TPRA1: variants seen among roughly 807,000 people sequenced by gnomAD.
TPRA1 encodes the protein transmembrane protein adipocyte-associated 1.
TPRA1 carries 28 observed loss-of-function variants against 40.1 expected under a neutral mutation model. That is an observed-to-expected ratio of 0.70 (90% CI 0.52 to 0.96). TPRA1 has a LOEUF of 0.96. Ranked by LOEUF, TPRA1 falls within the 40% of genes least tolerant of loss-of-function variation. The pLI is 0.00. For synonymous variants in TPRA1, 219 were observed against 209.7 expected, an observed-to-expected ratio of 1.04 and a Z score of -0.38; for missense variants, 441 against 482.6, an observed-to-expected ratio of 0.91 and a Z score of 0.81.
At chr3:127,586,170 G>A (rs1219381731) in intron 1 of TPRA1, among the ~76,000 whole-genome samples, 1 of 152,176 alleles carries the variant, frequency 6.6e-6, no homozygotes, top group Non-Finnish European at 1.5e-5. Context: ...ACCCCTGGAG[G>A]ACTGGGCCAC....
chr3:127,578,655 A>G (rs959866274), intron 3 of TPRA1, among the ~76,000 whole-genome samples: 4 of 152,242 alleles, frequency 2.6e-5, no homozygotes, highest in African/African-American at 7.2e-5. Context: ...AAGCAAAGAA[A>G]GCAGGCCTCA....
chr3:127,590,254 C>G (rs2074129117), intron 1 of TPRA1, among the ~76,000 whole-genome samples, 156 bp downstream of exon 1: 1 of 152,184 alleles, frequency 6.6e-6, no homozygotes, highest in Non-Finnish European at 1.5e-5. Flanking sequence ...AGGGCCTTCC[C>G]TCCCAAACGC....
intron 1 of TPRA1, chr3:127,588,144 G>A (rs2074057365): frequency 6.6e-6 from 1 of 152,324 alleles, no homozygotes; most frequent in Non-Finnish European, 1.5e-5. Context: ...CCCCTCTCCA[G>A]GCCTCGGCTT....
In TPRA1 at chr3:127,572,113, C is replaced by T. The variant is rs1206904077; in HGVS notation, c.*1408G>A. ...GCAGCCCAGGAGTCCAGCTCACTGG[C>T]CGTACTGTTGGCCCTGTCCGCTATC... On this transcript the variant is annotated 3_prime_UTR_variant, in exon 11 of 11. Transcript: ENST00000355552. 3.9e-5 allele frequency among the ~76,000 whole-genome samples: 6 copies of T among 152,220 alleles called. No individual in the cohort carries two copies. The highest frequency in any genetic ancestry group is 2.6e-4 in the Admixed American group (4 of 15,288).
chr3:127,595,901 C>T (rs1223512443), intron 1 of TPRA1, among the ~76,000 whole-genome samples: 1 of 152,068 alleles, frequency 6.6e-6, no homozygotes, highest in Non-Finnish European at 1.5e-5. Flanking sequence ...TGTGAAGAAG[C>T]TTGGAAGGGG....
Position 127,571,362 on chromosome 3 carries a change from T to C in TPRA1, c.*2159A>G, listed in dbSNP as rs541224300. The C allele has an allele frequency of 6.6e-6, 1 of 152,350 alleles. No homozygotes were observed. Among genetic ancestry groups the C allele is most frequent in the African/African-American group, 2.4e-5 (1 of 41,580 alleles). The allele number at this position is 152,350 out of a possible 1,614,324, so 9.4% of individuals were successfully genotyped here. On this transcript the variant is annotated 3_prime_UTR_variant, in exon 11 of 11. Coordinates refer to ENST00000355552, the MANE Select transcript of TPRA1 (RefSeq NM_001136053.4). The stretch of plus-strand genomic sequence containing the variant: ...ACATATATTGGAGGACAACTATTGA[T>C]CTCTGCAGAAGACTAATAAGAGTAA...
In TPRA1 at chr3:127,573,475, C is replaced by T. The variant is rs1166309243; in HGVS notation, c.*46G>A. On this transcript the variant is annotated 3_prime_UTR_variant, in exon 11 of 11. Transcript: ENST00000355552. ...TCCTCCCCTGGGGACTCTGGGCCTG[C>T]TGGCCTCCTCTCTGGCCTGTCCTCC... 3 of 1,569,936 alleles carry T rather than the reference C, an allele frequency of 1.9e-6. No individual in the cohort carries two copies. The highest frequency in any genetic ancestry group is 1.7e-6 in the Non-Finnish European group (2 of 1,157,210).
At chr3:127,575,594 TC>T in intron 8 of TPRA1, 89 bp from the exon 9 acceptor site, 1 of 1,464,378 alleles carries the variant, frequency 6.8e-7, no homozygotes, top group Non-Finnish European at 9.2e-7. Flanking sequence ...GCCTGGTGTG[TC>T]CCCCGGGGCC....
intron 1 of TPRA1, chr3:127,580,483 G>A (rs961291672): frequency 4.6e-5 from 13 of 280,006 alleles, no homozygotes; most frequent in African/African-American, 2.4e-4. Context: ...TGAGAGCAGC[G>A]TGGGTAAGAG....
chr3:127,573,762 T>C lies in TPRA1; in HGVS notation c.881A>G (p.Tyr294Cys). 6 of 1,584,080 alleles carry C rather than the reference T, an allele frequency of 3.8e-6. No homozygotes were observed. The highest frequency in any genetic ancestry group is 1.1e-5 in the South Asian group (1 of 89,382). ...CTCTGTCTCGTCCACTTGGCATTTG[T>C]AGGAGAAGAGGATCTTGGGCTCCGA... ...FGSEPKILFS[Y>C]KCQVDETEEP... Residue 294 changes from tyrosine to cysteine, a missense_variant, in exon 11 of 11, where the codon TAC (tyrosine) becomes TGC (cysteine). Coordinates refer to ENST00000355552, the MANE Select transcript of TPRA1 (RefSeq NM_001136053.4).
intron 1 of TPRA1, among the ~76,000 whole-genome samples, chr3:127,581,421 C>T (rs914156124): frequency 6.6e-6 from 1 of 152,180 alleles, no homozygotes; most frequent in African/African-American, 2.4e-5. Context: ...CAAGGGCCGA[C>T]AGGCGTATGA....
Position 127,576,545 on chromosome 3 carries a change from A to T in TPRA1, c.498+72T>A. The T allele has an allele frequency of 7.0e-7, 1 of 1,435,780 alleles. No homozygotes were observed. Among genetic ancestry groups the T allele is most frequent in the South Asian group, 1.3e-5 (1 of 78,748 alleles). 88.9% of individuals were successfully genotyped at this position (1,435,780 alleles called of 1,614,324 possible). A position where few individuals can be genotyped will look rare whatever the true frequency, so the allele number is the denominator to read the frequency against. On this transcript the variant is annotated intron_variant, in intron 6 of 10. Transcript: ENST00000355552. The surrounding 1 kb of genome is among the most constrained non-coding windows in gnomAD (Gnocchi z 4.6). ...GAAGGTGATAAAGACTGGAAACCTG[A>T]CCCAGACCCAGAAGCAGTGGGTGCC...
At position 127,576,141 on chromosome 3, in the gene TPRA1, T is replaced by C. The variant is rs2073615708; in HGVS notation, c.499-91A>G. 1 of 997,742 alleles carries C rather than the reference T, an allele frequency of 1.0e-6. No homozygotes were observed. The highest frequency in any genetic ancestry group is 1.5e-6 in the Non-Finnish European group (1 of 647,220). 61.8% of individuals were successfully genotyped at this position (997,742 alleles called of 1,614,324 possible). ...CCCTGATGCAAAGCCCCCTAAGCTC[T>C]CCACCACACCAAGTTCAGCCTCTTG... On this transcript the variant is annotated intron_variant, in intron 6 of 10. Transcript: ENST00000355552. This position sits in a 1 kb window ranked among gnomAD's most constrained non-coding sequence, Gnocchi z 4.6.
upstream of TPRA1, chr3:127,590,801 G>A (rs2074151482): frequency 2.7e-5 from 4 of 150,520 alleles, no homozygotes; most frequent in Admixed American, 1.3e-4. Context: ...GCAGCCTATA[G>A]GAATAAGTCA....
chr3:127,573,693 C>G lies in TPRA1; in HGVS notation c.950G>C (p.Arg317Pro). The change falls in exon 11 of 11, where the codon CGG (arginine) becomes CCG (proline). Residue 317 changes from arginine to proline, a missense_variant. Coordinates refer to ENST00000355552, the MANE Select transcript of TPRA1 (RefSeq NM_001136053.4). Reference protein sequence around the residue: ...HLPQPYAVARREGLEAAGAAG... With the variant: ...HLPQPYAVARPEGLEAAGAAG... ...AGCCCCTGCAGCCTCCAGGCCCTCC[C>G]GCCGGGCCACAGCGTAGGGCTGGGG... 6.2e-7 allele frequency: 1 copy of G among 1,613,526 alleles called. No homozygotes were observed. The highest frequency in any genetic ancestry group is 8.5e-7 in the Non-Finnish European group (1 of 1,179,814).
chr3:127,580,162 C>G lies in TPRA1; in HGVS notation c.-16G>C. ...GGGTGTCCATCCCGCCAGCAGCCAG[C>G]CCTGGGGGAGTGAGAGCCGCCCAGT... On this transcript the variant is annotated splice_region_variant and 5_prime_UTR_variant, in exon 2 of 11. Transcript: ENST00000355552. 6.2e-7 allele frequency: 1 copy of G among 1,609,890 alleles called. No individual in the cohort carries two copies. The highest frequency in any genetic ancestry group is 8.5e-7 in the Non-Finnish European group (1 of 1,179,476).
intron 1 of TPRA1, among the ~76,000 whole-genome samples, chr3:127,596,637 A>G (rs2074244928): frequency 6.6e-6 from 1 of 152,220 alleles, no homozygotes; most frequent in Admixed American, 6.5e-5. Context: ...TGGATATCCA[A>G]CAGCTTCCTG....
At chr3:127,589,353 G>T (rs2074097050) in intron 1 of TPRA1, among the ~76,000 whole-genome samples, 1 of 151,914 alleles carries the variant, frequency 6.6e-6, no homozygotes, top group African/African-American at 2.4e-5. Flanking sequence ...AAACCCTGGG[G>T]AGAGGGGCCC....
chr3:127,583,983 T>A (rs1157601299), intron 1 of TPRA1, among the ~76,000 whole-genome samples: 1 of 151,820 alleles, frequency 6.6e-6, no homozygotes, highest in African/African-American at 2.4e-5. Context: ...CGTGCTTTTA[T>A]TTGCTCAGCA....
Sources: allele counts gnomAD v4.1 joint callset (sites outside exome capture counted in the v4.1 genomes callset), GRCh38; gene constraint gnomAD v4.1.1; non-coding constraint Gnocchi (gnomAD v3.1); transcripts MANE v1.5; gene names NCBI Gene and HGNC (gene_info 2026-07-23, HGNC 2026-07-21).